DGCR2: variants seen among roughly 807,000 people sequenced by gnomAD.
The protein encoded by DGCR2 is integral membrane protein DGCR2/IDD.
Under a neutral mutation model 51.6 loss-of-function variants are expected in DGCR2, and 24 were observed. The ratio of observed to expected loss-of-function variants is 0.47; its 90% CI spans 0.34 to 0.65. The LOEUF is 0.65. Among genes scored for constraint, DGCR2 ranks in the 30% least tolerant of loss-of-function variants. DGCR2 has a pLI of 0.01. For missense variants in DGCR2, 765 were observed against 772.1 expected (o/e 0.99, Z 0.11); for synonymous variants, 340 against 315.4 (o/e 1.08, Z -0.82).
chr22:19,118,808 G>C (rs1411129051), intron 1 of DGCR2, among the ~76,000 whole-genome samples: 2 of 152,228 alleles, frequency 1.3e-5, no homozygotes, highest in Non-Finnish European at 2.9e-5. Flanking sequence ...ATTAAAGCTA[G>C]AAAGAAAAAC....
At chr22:19,054,624 G>C (rs1352946393) in intron 6 of DGCR2, among the ~76,000 whole-genome samples, 1 of 152,136 alleles carries the variant, frequency 6.6e-6, no homozygotes, top group Non-Finnish European at 1.5e-5. Flanking sequence ...CCAGCTACTT[G>C]GGAGGCTGAG....
intron 7 of DGCR2, among the ~76,000 whole-genome samples, chr22:19,042,494 A>G (rs6518515): frequency 0.41 from 62,866 of 152,182 alleles, 13,434 homozygotes; most frequent in African/African-American, 0.53. Flanking sequence ...CTTTCCTGGT[A>G]GGAGGCCAGG....
intron 7 of DGCR2, among the ~76,000 whole-genome samples, chr22:19,043,926 A>G (rs962058376): frequency 6.6e-6 from 1 of 152,158 alleles, no homozygotes; most frequent in Non-Finnish European, 1.5e-5. Context: ...TCCTCTCACC[A>G]ATTAGCTGCT....
intron 2 of DGCR2, among the ~76,000 whole-genome samples, chr22:19,080,373 T>C (rs1299959897): frequency 6.6e-6 from 1 of 152,240 alleles, no homozygotes; most frequent in Non-Finnish European, 1.5e-5. Context: ...ATATTCAAAA[T>C]ACTATTACTG....
intron 1 of DGCR2, among the ~76,000 whole-genome samples, chr22:19,109,643 C>T (rs2083294174): frequency 6.6e-6 from 1 of 152,162 alleles, no homozygotes; most frequent in South Asian, 2.1e-4. Flanking sequence ...GGGGTAGTTA[C>T]TCAATAGGTA....
chr22:19,052,130 T>A (rs2082554644), intron 6 of DGCR2, among the ~76,000 whole-genome samples: 1 of 152,094 alleles, frequency 6.6e-6, no homozygotes, highest in Admixed American at 6.5e-5. Context: ...TGAAAACACA[T>A]TTGCAGCCAG....
intron 2 of DGCR2, 103 bp from the exon 3 acceptor site, chr22:19,068,328 G>T (rs1275049745): frequency 5.7e-5 from 76 of 1,343,306 alleles, no homozygotes; most frequent in Middle Eastern, 3.9e-4. Flanking sequence ...CCGGAGGGGG[G>T]GCCTGTAGCA....
intron 1 of DGCR2, among the ~76,000 whole-genome samples, chr22:19,101,294 A>C (rs942143937): frequency 6.6e-6 from 1 of 152,228 alleles, no homozygotes; most frequent in Non-Finnish European, 1.5e-5. Context: ...TATTCATACT[A>C]GCCAAGAGGC....
At chr22:19,096,825 A>G (rs1294562213) in intron 1 of DGCR2, among the ~76,000 whole-genome samples, 1 of 151,546 alleles carries the variant, frequency 6.6e-6, no homozygotes, top group African/African-American at 2.4e-5. Flanking sequence ...CTCCCACCTC[A>G]GACTACAGGC....
chr22:19,092,909 G>A (rs1355068941), intron 1 of DGCR2, among the ~76,000 whole-genome samples: 1 of 150,460 alleles, frequency 6.6e-6, no homozygotes, highest in Non-Finnish European at 1.5e-5. Flanking sequence ...AGGAGGAGGA[G>A]GAGGAAAGAA....
chr22:19,114,262 C>T (rs1227332962), intron 1 of DGCR2, among the ~76,000 whole-genome samples: 1 of 151,800 alleles, frequency 6.6e-6, no homozygotes, highest in Non-Finnish European at 1.5e-5. Context: ...GTAAAATATT[C>T]TATGTATGAA....
intron 7 of DGCR2, among the ~76,000 whole-genome samples, chr22:19,043,686 A>C (rs1601502770): frequency 6.9e-6 from 1 of 145,224 alleles, no homozygotes; most frequent in African/African-American, 2.7e-5. Context: ...CCTCTGCAAC[A>C]ATCTCGGCAG....
At chr22:19,097,340 G>T (rs2083153117) in intron 1 of DGCR2, among the ~76,000 whole-genome samples, 1 of 152,120 alleles carries the variant, frequency 6.6e-6, no homozygotes, top group African/African-American at 2.4e-5. Flanking sequence ...TGGATCACAA[G>T]GTCAGGAGTT....
At position 19,038,957 on chromosome 22, in the gene DGCR2, G is replaced by T. The variant is rs765884978; in HGVS notation, c.1561C>A (p.Pro521Thr). 1.2e-6 allele frequency: 2 copies of T among 1,612,300 alleles called. No individual in the cohort carries two copies. The highest frequency in any genetic ancestry group is 4.5e-5 in the East Asian group (2 of 44,880). Residue 521 changes from proline to threonine, a missense_variant, in exon 10 of 10, where the codon CCT becomes ACT. Physicochemically the swap from Pro to Thr is conservative, Grantham distance 38. Around this residue, in one of 3 missense-constraint regions of DGCR2, gnomAD observed 205 missense variants for 181.4 expected, o/e 1.13. Transcript: ENST00000263196. ...GTGCTCCCGCTCTGGGCAGGGTCAGGGGGCACGAGCAGGGCGCTGCTGCTG... is the reference window on the plus strand; with the variant it reads ...GTGCTCCCGCTCTGGGCAGGGTCAGTGGGCACGAGCAGGGCGCTGCTGCTG... ...ADSSSALLVP[P>T]DPAQSGSTPA...
chr22:19,057,178 A>G lies in DGCR2; in HGVS notation c.626-16T>C, dbSNP rs1403425619. 1 of 1,588,652 alleles carries G rather than the reference A, an allele frequency of 6.3e-7. No homozygotes were observed. ...TCTGAAGAGCCTGTTGGGGAGACAAAAGGTGGGGCTGGACAACATCACATC... is the reference window on the plus strand; with the variant it reads ...TCTGAAGAGCCTGTTGGGGAGACAAGAGGTGGGGCTGGACAACATCACATC... On this transcript the variant is annotated splice_polypyrimidine_tract_variant and intron_variant, in intron 5 of 9. Coordinates refer to ENST00000263196, the MANE Select transcript of DGCR2 (RefSeq NM_005137.3). This position sits in a 1 kb window ranked among gnomAD's most constrained non-coding sequence, Gnocchi z 5.1.
chr22:19,037,238 C>G lies in DGCR2; in HGVS notation c.*1627G>C, dbSNP rs1373007739. The G allele has an allele frequency of 1.3e-5, 2 of 152,376 alleles. No individual in the cohort carries two copies. Among genetic ancestry groups the G allele is most frequent in the Admixed American group, 6.5e-5 (1 of 15,288 alleles). 9.4% of individuals were successfully genotyped at this position (152,376 alleles called of 1,614,324 possible). On this transcript the variant is annotated 3_prime_UTR_variant, in exon 10 of 10. Coordinates refer to ENST00000263196, the MANE Select transcript of DGCR2 (RefSeq NM_005137.3). ...GCATCATGCTCCAGCAGGCCAAGCTCAGGGACAGGCAATTCAGTAACAAAA... is the reference window on the plus strand; with the variant it reads ...GCATCATGCTCCAGCAGGCCAAGCTGAGGGACAGGCAATTCAGTAACAAAA...
chr22:19,111,823 A>C (rs1419172799), intron 1 of DGCR2, among the ~76,000 whole-genome samples: 2 of 151,456 alleles, frequency 1.3e-5, no homozygotes, highest in East Asian at 3.9e-4. Context: ...GCCCTTGAAC[A>C]TCTAAACTCT....
intron 1 of DGCR2, among the ~76,000 whole-genome samples, chr22:19,111,869 T>G (rs1157917804): frequency 1.4e-5 from 2 of 147,816 alleles, no homozygotes; most frequent in Non-Finnish European, 3.0e-5. Context: ...TATTTTTTTT[T>G]GTCTCCAGGA....
chr22:19,076,686 A>C (rs1302696649), intron 2 of DGCR2, among the ~76,000 whole-genome samples: 1 of 144,646 alleles, frequency 6.9e-6, no homozygotes, highest in Non-Finnish European at 1.5e-5. Flanking sequence ...TCATTTGTTT[A>C]TCTTCTTTGG....
Sources: allele counts gnomAD v4.1 joint callset (sites outside exome capture counted in the v4.1 genomes callset), GRCh38; gene constraint gnomAD v4.1.1; regional missense constraint gnomAD v4.1.1; non-coding constraint Gnocchi (gnomAD v3.1); transcripts MANE v1.5; gene names NCBI Gene and HGNC (gene_info 2026-07-23, HGNC 2026-07-21).